LRRTM4: variants seen among roughly 807,000 people sequenced by gnomAD.
LRRTM4 encodes leucine-rich repeat transmembrane neuronal protein 4.
LRRTM4 carries 25 observed loss-of-function variants against 47.6 expected under a neutral mutation model. The observed-to-expected ratio is 0.53, with a 90% CI of 0.38 to 0.73. The LOEUF (loss-of-function observed/expected upper bound fraction) is 0.73. LRRTM4 is among the 30% of genes least tolerant of loss of function. The pLI, the probability that LRRTM4 is intolerant of heterozygous loss-of-function variation, is 0.00. For synonymous variants in LRRTM4, 311 were observed against 269.5 expected (o/e 1.15, Z -1.51); for missense variants, 638 against 713.4 (o/e 0.89, Z 1.20).
chr2:76,807,415 T>TATATAC (rs1558667303), intron 3 of LRRTM4, among the ~76,000 whole-genome samples: 2 of 89,508 alleles, frequency 2.2e-5, no homozygotes, highest in Non-Finnish European at 4.1e-5. Context: ...TACGTATATA[T>TATATAC]ATATATATAC....
Position 76,934,318 on chromosome 2 carries a change from A to T in LRRTM4, c.1552-185402T>A, listed in dbSNP as rs556665742. 2.6e-5 allele frequency among the ~76,000 whole-genome samples: 4 copies of T among 152,310 alleles called. No individual in the cohort carries two copies. The South Asian group carries it at 8.3e-4, about 32-fold the overall frequency. On this transcript the variant is annotated intron_variant, in intron 3 of 3. Transcript: ENST00000409884. ...AAAAGGCAATTGTTTAGTGACATGG[A>T]GTAACTGTGTTAAAGGATGTTAAAA... is the stretch of plus-strand genomic sequence containing the variant.
At chr2:77,005,253 G>A (rs34632326) in intron 3 of LRRTM4, among the ~76,000 whole-genome samples, 53,478 of 151,816 alleles carry the variant, frequency 0.35, 10,505 homozygotes, top group East Asian at 0.52. Context: ...CAAGGGATTC[G>A]CCTGCCTCAG....
At chr2:76,828,315 T>C (rs767900645) in intron 3 of LRRTM4, among the ~76,000 whole-genome samples, 1 of 151,886 alleles carries the variant, frequency 6.6e-6, no homozygotes, top group Non-Finnish European at 1.5e-5. Context: ...TCCTCCATAA[T>C]TGCATCTTAT....
intron 3 of LRRTM4, among the ~76,000 whole-genome samples, chr2:77,154,114 T>C (rs1326832367): frequency 6.6e-6 from 1 of 152,216 alleles, no homozygotes; most frequent in East Asian, 1.9e-4. Context: ...GTGTTCTTAA[T>C]TGGCTTTGCG....
intron 3 of LRRTM4, among the ~76,000 whole-genome samples, chr2:76,865,287 A>G (rs73940078): frequency 6.6e-6 from 1 of 152,266 alleles, no homozygotes; most frequent in African/African-American, 2.4e-5. Flanking sequence ...TTTATGGGTG[A>G]CTAACAACAC....
chr2:76,832,426 C>T (rs1036420688), intron 3 of LRRTM4, among the ~76,000 whole-genome samples: 4 of 145,422 alleles, frequency 2.8e-5, no homozygotes, highest in African/African-American at 1.0e-4. Context: ...TATTTTCTAA[C>T]ACACAGTTTC....
At chr2:77,196,972 A>G (rs1395018534) in intron 3 of LRRTM4, among the ~76,000 whole-genome samples, 2 of 152,080 alleles carry the variant, frequency 1.3e-5, no homozygotes, top group African/African-American at 4.8e-5. Flanking sequence ...TTCTAATCCT[A>G]TAACTTTCTT....
intron 3 of LRRTM4, among the ~76,000 whole-genome samples, chr2:77,056,266 TGAA>T (rs1253475038): frequency 1.6e-4 from 24 of 152,268 alleles, no homozygotes; most frequent in South Asian, 4.1e-4. Flanking sequence ...ATAAATGCAT[TGAA>T]GAAGATGCCC....
intron 3 of LRRTM4, among the ~76,000 whole-genome samples, chr2:77,128,460 A>G (rs1274860516): frequency 2.0e-5 from 3 of 152,146 alleles, no homozygotes; most frequent in African/African-American, 7.2e-5. Flanking sequence ...AACTTTTTCC[A>G]TTGATGTACC....
intron 3 of LRRTM4, among the ~76,000 whole-genome samples, chr2:76,909,738 T>A (rs1027075956): frequency 1.3e-5 from 2 of 151,904 alleles, no homozygotes; most frequent in Non-Finnish European, 2.9e-5. Flanking sequence ...AAAAAACACA[T>A]GAAAAAATGC....
intron 3 of LRRTM4, among the ~76,000 whole-genome samples, chr2:77,421,312 T>G (rs560457425): frequency 1.3e-5 from 2 of 152,292 alleles, no homozygotes; most frequent in East Asian, 3.9e-4. Context: ...AACCCAGTGT[T>G]TCTCAACTGG....
At chr2:76,931,480 T>C (rs1295705873) in intron 3 of LRRTM4, among the ~76,000 whole-genome samples, 1 of 152,144 alleles carries the variant, frequency 6.6e-6, no homozygotes, top group African/African-American at 2.4e-5. Flanking sequence ...TAATCCTGAG[T>C]GTGGGACAAG....
intron 3 of LRRTM4, among the ~76,000 whole-genome samples, chr2:77,133,679 T>C (rs1671860281): frequency 6.6e-6 from 1 of 152,180 alleles, no homozygotes; most frequent in Non-Finnish European, 1.5e-5. Context: ...AATAAATAAC[T>C]TATCTGCATG....
At chr2:77,093,227 G>T (rs372758453) in intron 3 of LRRTM4, among the ~76,000 whole-genome samples, 15,717 of 141,562 alleles carry the variant, frequency 0.11, 935 homozygotes, top group East Asian at 0.16. Flanking sequence ...TATCTCCTGG[G>T]GCTATCCCCA....
At chr2:77,515,053 T>G (rs1426261898) in intron 3 of LRRTM4, among the ~76,000 whole-genome samples, 1 of 151,936 alleles carries the variant, frequency 6.6e-6, no homozygotes, top group Non-Finnish European at 1.5e-5. Flanking sequence ...TTCTCTTTTC[T>G]GAGTACATAC....
intron 3 of LRRTM4, among the ~76,000 whole-genome samples, chr2:76,796,776 A>G (rs1421247862): frequency 6.6e-6 from 1 of 152,018 alleles, no homozygotes; most frequent in Non-Finnish European, 1.5e-5. Context: ...AAAGGAACGC[A>G]GTTCCTCACC....
intron 3 of LRRTM4, among the ~76,000 whole-genome samples, chr2:76,768,202 GCTTCT>G (rs1462162664): frequency 2.6e-5 from 4 of 152,076 alleles, no homozygotes; most frequent in Non-Finnish European, 5.9e-5. Context: ...GAAAGTAATA[GCTTCT>G]CTTCTCTAAG....
At position 77,518,660 on chromosome 2, in the gene LRRTM4, G is replaced by T; in HGVS notation, c.1209C>A (p.Ser403Arg). Residue 403 changes from serine (S) to arginine (R), a missense_variant, in exon 3 of 4, where the codon AGC becomes AGA. Physicochemically the swap from Ser to Arg is moderately radical, Grantham distance 110. Coordinates refer to ENST00000409884, the MANE Select transcript of LRRTM4 (RefSeq NM_001134745.3). ...CAGGAATCTGAAACCCTGGGGAAGG[G>T]CTTGGTGTTTCAAAGGTGGATTGGG... ...DVTQSTFETP[S>R]PSPGFQIPGA... 1 of 1,613,452 alleles carries T rather than the reference G, an allele frequency of 6.2e-7. No homozygotes were observed. Among genetic ancestry groups the T allele is most frequent in the Non-Finnish European group, 8.5e-7 (1 of 1,179,626 alleles).
intron 3 of LRRTM4, among the ~76,000 whole-genome samples, chr2:76,979,541 G>GTGTATATATATATATATATATATA (rs1553439564): frequency 1.6e-5 from 2 of 126,958 alleles, no homozygotes; most frequent in East Asian, 2.1e-4. Context: ...CTGAATTTCT[G>GTGTATATATATATATATATATATA]TATATATATA....
Sources: gnomAD v4.1 joint callset for allele counts (sites outside exome capture counted in the v4.1 genomes callset) on GRCh38, gnomAD v4.1.1 for gene constraint, MANE v1.5 for transcripts, NCBI Gene and HGNC (gene_info 2026-07-23, HGNC 2026-07-21) for gene names.